Variants in CAST observed in about 807,000 individuals in gnomAD.
CAST encodes calpastatin.
In CAST, 76 loss-of-function variants were observed where a neutral mutation model predicts 119.6. The observed-to-expected ratio is 0.64, with a 90% confidence interval of 0.53 to 0.77. The LOEUF is 0.77. Ranked by LOEUF, CAST falls within the 30% of genes least tolerant of loss-of-function variation. The pLI is 0.00. For missense variants in CAST, 953 were observed against 946.5 expected, an observed-to-expected ratio of 1.01 and a Z score of -0.09; for synonymous variants, 319 against 331.6, an observed-to-expected ratio of 0.96 and a Z score of 0.41.
chr5:96,368,756 A>G, the CAST span, among the ~76,000 whole-genome samples: 2 of 152,096 alleles, frequency 1.3e-5, no homozygotes, highest in South Asian at 2.1e-4. Flanking sequence ...TATTGAGAGA[A>G]TATCTATTCT....
At chr5:96,619,524 C>G (rs572907862) in intron 1 of CAST, among the ~76,000 whole-genome samples, 6 of 152,250 alleles carry the variant, frequency 3.9e-5, no homozygotes, top group Non-Finnish European at 7.3e-5. Flanking sequence ...GCTGGGTCCT[C>G]TTCCACAGTG....
At chr5:96,629,180 G>A (rs144634680) in intron 1 of CAST, among the ~76,000 whole-genome samples, 7 of 152,352 alleles carry the variant, frequency 4.6e-5, no homozygotes, top group African/African-American at 1.7e-4. Flanking sequence ...TATCCTGGGA[G>A]TGGGTTGATA....
At chr5:96,189,491 T>C in the CAST span, among the ~76,000 whole-genome samples, 1 of 152,310 alleles carries the variant, frequency 6.6e-6, no homozygotes, top group South Asian at 2.1e-4. Flanking sequence ...TGAGCAAATA[T>C]TCAGTGGCCT....
At chr5:96,537,578 TCAACTCCCATGG>T (rs1745842843) in intron 1 of CAST, among the ~76,000 whole-genome samples, 1 of 152,148 alleles carries the variant, frequency 6.6e-6, no homozygotes, top group Non-Finnish European at 1.5e-5. Flanking sequence ...ACTTATCTTT[TCAACTCCCATGG>T]CAACTGACTC....
chr5:96,383,664 T>C, the CAST span, among the ~76,000 whole-genome samples: 2 of 152,190 alleles, frequency 1.3e-5, no homozygotes, highest in African/African-American at 4.8e-5. Flanking sequence ...GCCAGGATGG[T>C]CTTGATCTCC....
At chr5:96,091,592 C>T in the CAST span, among the ~76,000 whole-genome samples, 4 of 147,964 alleles carry the variant, frequency 2.7e-5, no homozygotes, top group Non-Finnish European at 5.9e-5. Flanking sequence ...TGTAGCTTTG[C>T]CCTCCCAGGC....
At chr5:96,294,899 G>C in the CAST span, among the ~76,000 whole-genome samples, 2 of 152,212 alleles carry the variant, frequency 1.3e-5, no homozygotes, top group African/African-American at 4.8e-5. Flanking sequence ...CCAAAATAGA[G>C]GGAGAGCAAG....
chr5:96,386,302 T>G, the CAST span, among the ~76,000 whole-genome samples: 1 of 152,220 alleles, frequency 6.6e-6, no homozygotes, highest in Admixed American at 6.5e-5. Flanking sequence ...TTCCCTCACT[T>G]GTTGCCTCTG....
chr5:96,053,903 T>C, the CAST span, among the ~76,000 whole-genome samples: 1 of 152,172 alleles, frequency 6.6e-6, no homozygotes, highest in African/African-American at 2.4e-5. Context: ...TCAGGATGCC[T>C]CCCCCAACTC....
the CAST span, among the ~76,000 whole-genome samples, chr5:96,078,817 TAACA>T: frequency 6.6e-6 from 1 of 152,108 alleles, no homozygotes; most frequent in African/African-American, 2.4e-5. Flanking sequence ...CCATTATCCT[TAACA>T]AACTAACACA....
the CAST span, among the ~76,000 whole-genome samples, chr5:96,301,878 C>A: frequency 1.3e-5 from 2 of 152,170 alleles, no homozygotes. Context: ...GTGGATCTAC[C>A]ATTCGGGGAT....
the CAST span, among the ~76,000 whole-genome samples, chr5:96,290,291 C>G: frequency 1.3e-5 from 2 of 152,182 alleles, no homozygotes; most frequent in African/African-American, 4.8e-5. Flanking sequence ...TTGATGTACA[C>G]TAGTTACTGT....
the CAST span, among the ~76,000 whole-genome samples, chr5:96,322,143 A>C: frequency 2.0e-5 from 3 of 152,062 alleles, no homozygotes; most frequent in Admixed American, 6.6e-5. Context: ...TGGTGTGCCC[A>C]ATTTATTTGG....
At chr5:96,274,926 C>A in the CAST span, among the ~76,000 whole-genome samples, 1 of 152,184 alleles carries the variant, frequency 6.6e-6, no homozygotes, top group Non-Finnish European at 1.5e-5. Context: ...ATCTGCTTGC[C>A]TATGCCCTCT....
chr5:96,409,589 C>G, the CAST span, among the ~76,000 whole-genome samples: 2 of 152,096 alleles, frequency 1.3e-5, no homozygotes, highest in East Asian at 3.9e-4. Flanking sequence ...TGCAGGTTAC[C>G]CAAGATAAGG....
the CAST span, among the ~76,000 whole-genome samples, chr5:96,495,862 G>C: frequency 6.6e-6 from 1 of 152,146 alleles, no homozygotes; most frequent in South Asian, 2.1e-4. Flanking sequence ...TAAAATAATT[G>C]CTACAGATCT....
chr5:96,124,634 A>G, the CAST span, among the ~76,000 whole-genome samples: 1 of 152,038 alleles, frequency 6.6e-6, no homozygotes, highest in Non-Finnish European at 1.5e-5. Context: ...GTTAATTCCT[A>G]TCCTGTAGGA....
upstream of CAST, among the ~76,000 whole-genome samples, chr5:96,523,503 C>G (rs780415773): frequency 6.6e-6 from 1 of 152,196 alleles, no homozygotes; most frequent in African/African-American, 2.4e-5. Context: ...CTTGTGTGCC[C>G]GACTCTCTCT....
the CAST span, among the ~76,000 whole-genome samples, chr5:96,169,523 G>C: frequency 6.6e-6 from 1 of 152,202 alleles, no homozygotes; most frequent in Non-Finnish European, 1.5e-5. Context: ...TTTTTGGACA[G>C]GTAAAATGGG....
Sources: gnomAD v4.1 joint callset for allele counts (sites outside exome capture counted in the v4.1 genomes callset) on GRCh38, gnomAD v4.1.1 for gene constraint, MANE v1.5 for transcripts, NCBI Gene and HGNC (gene_info 2026-07-23, HGNC 2026-07-21) for gene names.